Variants in LHFPL3 observed in about 807,000 individuals in gnomAD.
LHFPL3 encodes the protein LHFPL tetraspan subfamily member 3.
A neutral mutation model predicts 19.3 loss-of-function variants in LHFPL3; 5 were observed. That is an observed-to-expected ratio of 0.26 (90% CI 0.14 to 0.54). The LOEUF (loss-of-function observed/expected upper bound fraction) is 0.54, where lower values mean the gene tolerates loss of function less well. Ranked by LOEUF, LHFPL3 falls within the 20% of genes least tolerant of loss-of-function variation. The pLI is 0.94. For synonymous variants in LHFPL3, 133 were observed against 126.2 expected, an observed-to-expected ratio of 1.05 and a Z score of -0.36; for missense variants, 249 against 307.4, an observed-to-expected ratio of 0.81 and a Z score of 1.42.
chr7:104,448,264 C>G (rs1234446784), intron 1 of LHFPL3, among the ~76,000 whole-genome samples: 2 of 152,114 alleles, frequency 1.3e-5, no homozygotes, highest in Non-Finnish European at 2.9e-5. Flanking sequence ...CTTTTGCTTT[C>G]TTCAGTGTCT....
At chr7:104,750,061 C>T (rs1235474122) in intron 2 of LHFPL3, among the ~76,000 whole-genome samples, 5 of 152,214 alleles carry the variant, frequency 3.3e-5, no homozygotes, top group African/African-American at 7.2e-5. Context: ...TAATAAATCT[C>T]GACCCCACAG....
intron 1 of LHFPL3, among the ~76,000 whole-genome samples, chr7:104,400,516 C>T (rs1367287625): frequency 6.6e-6 from 1 of 152,134 alleles, no homozygotes; most frequent in Non-Finnish European, 1.5e-5. Context: ...GTCAAATGTT[C>T]TATGTAGACC....
chr7:104,624,985 C>A (rs901431404), intron 1 of LHFPL3, among the ~76,000 whole-genome samples: 5 of 152,104 alleles, frequency 3.3e-5, no homozygotes, highest in Non-Finnish European at 5.9e-5. Flanking sequence ...GTTTTTTCAC[C>A]TCCTTAAAGA....
At chr7:104,484,680 G>A (rs1793204743) in intron 1 of LHFPL3, among the ~76,000 whole-genome samples, 1 of 152,168 alleles carries the variant, frequency 6.6e-6, no homozygotes, top group African/African-American at 2.4e-5. Flanking sequence ...ATTTCTTATA[G>A]TTCTGGAGGC....
At chr7:104,387,482 G>T (rs1258010317) in intron 1 of LHFPL3, among the ~76,000 whole-genome samples, 1 of 152,120 alleles carries the variant, frequency 6.6e-6, no homozygotes, top group East Asian at 1.9e-4. Context: ...AAAACTGGAG[G>T]AATTTCATTC....
At chr7:104,616,622 C>T (rs1212212581) in intron 1 of LHFPL3, among the ~76,000 whole-genome samples, 1 of 152,022 alleles carries the variant, frequency 6.6e-6, no homozygotes, top group South Asian at 2.1e-4. Flanking sequence ...GCAACAAAAG[C>T]CAAAATTGAC....
intron 1 of LHFPL3, among the ~76,000 whole-genome samples, chr7:104,677,365 T>TA (rs57490869): frequency 0.5 from 71,633 of 143,382 alleles, 17,787 homozygotes; most frequent in South Asian, 0.64. Context: ...CCAGTCTTCT[T>TA]AAAAAAAAAA....
chr7:104,723,389 C>T (rs148220622), intron 1 of LHFPL3, among the ~76,000 whole-genome samples: 1 of 152,142 alleles, frequency 6.6e-6, no homozygotes, highest in Non-Finnish European at 1.5e-5. Context: ...TCTCTGCTCA[C>T]CTCCAGCTTG....
chr7:104,465,097 C>A (rs934608391), intron 1 of LHFPL3, among the ~76,000 whole-genome samples: 1 of 152,048 alleles, frequency 6.6e-6, no homozygotes, highest in African/African-American at 2.4e-5. Flanking sequence ...TGCCACCAGT[C>A]TTTTTGCATA....
intron 1 of LHFPL3, among the ~76,000 whole-genome samples, chr7:104,636,461 A>G (rs1014987297): frequency 1.6e-4 from 25 of 152,176 alleles, no homozygotes; most frequent in Admixed American, 1.4e-3. Flanking sequence ...TTTGGTGTAC[A>G]GACCATTTCA....
intron 2 of LHFPL3, among the ~76,000 whole-genome samples, chr7:104,810,221 C>T (rs1260504116): frequency 6.6e-6 from 1 of 152,106 alleles, no homozygotes; most frequent in Non-Finnish European, 1.5e-5. Context: ...CAGAGGCTAG[C>T]CGTGATGGGC....
chr7:104,763,871 C>A (rs1794414704), intron 2 of LHFPL3, among the ~76,000 whole-genome samples: 2 of 152,226 alleles, frequency 1.3e-5, no homozygotes, highest in Admixed American at 6.5e-5. Flanking sequence ...TGCATTACAT[C>A]CCTTTCTGCT....
chr7:104,447,950 A>G (rs1207787322), intron 1 of LHFPL3, among the ~76,000 whole-genome samples: 1 of 152,112 alleles, frequency 6.6e-6, no homozygotes, highest in Non-Finnish European at 1.5e-5. Context: ...AAAAATGATT[A>G]ATGTTGGCAA....
intron 2 of LHFPL3, among the ~76,000 whole-genome samples, chr7:104,771,495 G>C (rs555780837): frequency 1.3e-5 from 2 of 152,128 alleles, no homozygotes; most frequent in African/African-American, 4.8e-5. Flanking sequence ...CTTCAGTTGA[G>C]AATATAGCCA....
intron 2 of LHFPL3, among the ~76,000 whole-genome samples, chr7:104,819,071 G>C (rs1419975696): frequency 3.3e-5 from 5 of 152,092 alleles, no homozygotes; most frequent in Non-Finnish European, 1.5e-5. Flanking sequence ...GCCTTCAAGA[G>C]TTAGGCAAAG....
At position 104,636,609 on chromosome 7, in the gene LHFPL3, C is replaced by T. The variant is rs569548028; in HGVS notation, c.446-100066C>T. On this transcript the variant is annotated intron_variant, in intron 1 of 2. Coordinates refer to ENST00000424859, the MANE Select transcript of LHFPL3 (RefSeq NM_199000.3). The stretch of plus-strand genomic sequence containing the variant: ...ATTTGTTCTCATTATTTAGCTTCCA[C>T]TTACAGGTAAGAACATGTGGTGTTT... Among the ~76,000 whole-genome samples, 3 of 152,228 alleles carry T rather than the reference C, an allele frequency of 2.0e-5. No individual in the cohort carries two copies. In the South Asian group the frequency reaches 6.2e-4, roughly 32 times the overall value.
chr7:104,483,347 G>A (rs914696473), intron 1 of LHFPL3, among the ~76,000 whole-genome samples: 2 of 152,138 alleles, frequency 1.3e-5, no homozygotes, highest in Admixed American at 6.5e-5. Context: ...AAAGCACTAT[G>A]GCTGCTATTC....
chr7:104,355,177 C>T (rs1329099517), intron 1 of LHFPL3, among the ~76,000 whole-genome samples: 2 of 152,170 alleles, frequency 1.3e-5, no homozygotes, highest in South Asian at 2.1e-4. Flanking sequence ...AATTCGTCTT[C>T]GAGAGAACAT....
chr7:104,582,062 A>T (rs1396487970), intron 1 of LHFPL3, among the ~76,000 whole-genome samples: 2 of 152,010 alleles, frequency 1.3e-5, no homozygotes, highest in African/African-American at 4.8e-5. Context: ...ACTGATAACT[A>T]TACTAAATCT....
Sources: gnomAD v4.1 joint callset for allele counts (sites outside exome capture counted in the v4.1 genomes callset) on GRCh38, gnomAD v4.1.1 for gene constraint, MANE v1.5 for transcripts, NCBI Gene and HGNC (gene_info 2026-07-23, HGNC 2026-07-21) for gene names.